Variants in DGKI observed in about 807,000 individuals in gnomAD.
The protein encoded by DGKI is DAG kinase iota.
In DGKI, 55 loss-of-function variants were observed where a neutral mutation model predicts 147.5. The observed-to-expected ratio is 0.37, with a 90% CI of 0.30 to 0.47. The LOEUF is 0.47. Ranked by LOEUF, DGKI falls within the 20% of genes least tolerant of loss-of-function variation. The pLI is 1.00. For missense variants in DGKI, 1,007 were observed against 1,323.8 expected (o/e 0.76, Z 3.71); for synonymous variants, 469 against 477.1 (o/e 0.98, Z 0.22).
intron 21 of DGKI, among the ~76,000 whole-genome samples, chr7:137,493,019 C>A (rs1199749772): frequency 6.6e-6 from 1 of 152,144 alleles, no homozygotes; most frequent in African/African-American, 2.4e-5. Flanking sequence ...TCCAAGGCCA[C>A]CCCCATACCA....
intron 20 of DGKI, among the ~76,000 whole-genome samples, chr7:137,542,949 T>C (rs1029072887): frequency 6.6e-6 from 1 of 152,132 alleles, no homozygotes; most frequent in East Asian, 1.9e-4. Context: ...GTAACTGAAG[T>C]AAACACTCAA....
intron 3 of DGKI, among the ~76,000 whole-genome samples, chr7:137,668,150 G>A (rs1284888019): frequency 1.3e-5 from 2 of 152,150 alleles, no homozygotes; most frequent in Non-Finnish European, 2.9e-5. Context: ...AGACTGATGA[G>A]GATAGATAAG....
rs1816626329 is a variant in DGKI at position 137,512,919 on chromosome 7, A to G, written c.2248+8947T>C. Among the ~76,000 whole-genome samples, 3 of 152,202 alleles carry G rather than the reference A, an allele frequency of 2.0e-5. 1 individual carries two copies. Among genetic ancestry groups the G allele is most frequent in the Admixed American group, 2.0e-4 (3 of 15,266 alleles). On this transcript the variant is annotated intron_variant, in intron 21 of 32. Transcript: ENST00000614521. Reference sequence around the variant, plus strand: ...CAGAGTCCTTTGAAATTAGAAAGACATAGAGTAGGCTCATCTATAAACCAA... The same window carrying G: ...CAGAGTCCTTTGAAATTAGAAAGACGTAGAGTAGGCTCATCTATAAACCAA...
chr7:137,440,934 C>T (rs1813474681), intron 28 of DGKI, among the ~76,000 whole-genome samples: 1 of 152,148 alleles, frequency 6.6e-6, no homozygotes, highest in Non-Finnish European at 1.5e-5. Flanking sequence ...TTTTACTCCT[C>T]CTCACCCTGA....
chr7:137,518,846 T>C (rs1816867269), intron 21 of DGKI, among the ~76,000 whole-genome samples: 1 of 152,096 alleles, frequency 6.6e-6, no homozygotes. Context: ...TTTGCCTAGA[T>C]TATATGATTA....
intron 3 of DGKI, among the ~76,000 whole-genome samples, chr7:137,669,129 T>C (rs1822751486): frequency 3.3e-5 from 5 of 152,156 alleles, no homozygotes; most frequent in African/African-American, 1.2e-4. Context: ...GGTCATCTGA[T>C]TCCAAAGCTC....
Position 137,384,531 on chromosome 7 carries a change from C to T in DGKI, c.*6689G>A, listed in dbSNP as rs974956710. The T allele has an allele frequency of 4.6e-5, 7 of 151,994 alleles. No homozygotes were observed. The highest frequency in any genetic ancestry group is 1.0e-4 in the Non-Finnish European group (7 of 67,954). 9.4% of individuals were successfully genotyped at this position (151,994 alleles called of 1,614,324 possible). A position where few individuals can be genotyped will look rare whatever the true frequency, so the allele number is the denominator to read the frequency against. On this transcript the variant is annotated 3_prime_UTR_variant, in exon 33 of 33. Coordinates refer to ENST00000614521, the MANE Select transcript of DGKI (RefSeq NM_001321708.2). The stretch of plus-strand genomic sequence containing the variant: ...ATATGTAATTTCTAAAGACCCAGTT[C>T]TGGCTGCAGCACTATCATTTGCTAT...
chr7:137,624,687 C>T (rs1326997197), intron 6 of DGKI, among the ~76,000 whole-genome samples: 3 of 152,062 alleles, frequency 2.0e-5, no homozygotes, highest in Non-Finnish European at 4.4e-5. Flanking sequence ...TCACTGCAAG[C>T]TCCGCCTCCC....
rs1188932054 is a variant in DGKI, at chr7:137,382,049, A to G, written c.*9171T>C. ...GAGATCAGGAGCCATTTGGTTGCAT[A>G]TAGAAGGTACAACAAATATCAAGGC... On this transcript the variant is annotated 3_prime_UTR_variant, in exon 33 of 33. Coordinates refer to ENST00000614521, the MANE Select transcript of DGKI (RefSeq NM_001321708.2). 6.6e-6 allele frequency: 1 copy of G among 152,090 alleles called. No homozygotes were observed. The highest frequency in any genetic ancestry group is 1.5e-5 in the Non-Finnish European group (1 of 67,982). The allele number at this position is 152,090 out of a possible 1,614,324, so 9.4% of individuals were successfully genotyped here.
chr7:137,656,038 G>A (rs1299137456), intron 4 of DGKI, among the ~76,000 whole-genome samples: 1 of 152,188 alleles, frequency 6.6e-6, no homozygotes, highest in Admixed American at 6.5e-5. Flanking sequence ...AGCGTGGCTC[G>A]CTCCCTTGCA....
At chr7:137,767,122 C>G (rs1183868518) in intron 1 of DGKI, among the ~76,000 whole-genome samples, 1 of 152,174 alleles carries the variant, frequency 6.6e-6, no homozygotes, top group African/African-American at 2.4e-5. Flanking sequence ...GGGCCACCCA[C>G]GGAAGTTATC....
chr7:137,794,077 C>G (rs1796949284), intron 1 of DGKI, among the ~76,000 whole-genome samples: 2 of 152,174 alleles, frequency 1.3e-5, no homozygotes, highest in South Asian at 4.1e-4. Flanking sequence ...AATCCAGTCA[C>G]TGAGGATACA....
At chr7:137,482,442 T>A (rs747189257) in intron 23 of DGKI, among the ~76,000 whole-genome samples, 4 of 151,896 alleles carry the variant, frequency 2.6e-5, no homozygotes, top group Non-Finnish European at 5.9e-5. Context: ...GGCCTTGTAG[T>A]TTTAAGCACC....
intron 8 of DGKI, among the ~76,000 whole-genome samples, chr7:137,617,695 T>G (rs1364481550): frequency 6.6e-6 from 1 of 152,052 alleles, no homozygotes; most frequent in Non-Finnish European, 1.5e-5. Flanking sequence ...GGGGATGGAA[T>G]GTTCTGTATC....
intron 29 of DGKI, among the ~76,000 whole-genome samples, chr7:137,411,947 AT>A (rs907253674): frequency 6.6e-6 from 1 of 152,204 alleles, no homozygotes; most frequent in Non-Finnish European, 1.5e-5. Context: ...TGCACATTGC[AT>A]CCTGGGGACA....
chr7:137,546,079 CG>C, intron 20 of DGKI: 1 of 583,622 alleles, frequency 1.7e-6, no homozygotes, highest in Non-Finnish European at 3.1e-6. Flanking sequence ...ATTAAATGAG[CG>C]CATCACCGAA....
intron 26 of DGKI, among the ~76,000 whole-genome samples, chr7:137,464,987 C>T (rs1170050587): frequency 1.3e-5 from 2 of 152,164 alleles, no homozygotes; most frequent in Non-Finnish European, 2.9e-5. Context: ...TCCCCAAGTG[C>T]TTACACTAGG....
Position 137,413,099 on chromosome 7 carries a change from G to A in DGKI, c.2762-892C>T, listed in dbSNP as rs547639085. On this transcript the variant is annotated intron_variant, in intron 28 of 32. Transcript: ENST00000614521. ...AGCTTGGCCAACATGGTGAGACCCC[G>A]TCTCTACCAAAAATACAGAAATTAG... is the stretch of plus-strand genomic sequence containing the variant. Among the ~76,000 whole-genome samples, 18 of 151,834 alleles carry A rather than the reference G, an allele frequency of 1.2e-4. No homozygotes were observed. The South Asian group carries it at 1.9e-3, about 16-fold the overall frequency.
intron 21 of DGKI, among the ~76,000 whole-genome samples, chr7:137,518,878 T>G (rs2128951254): frequency 6.6e-6 from 1 of 152,210 alleles, no homozygotes; most frequent in South Asian, 2.1e-4. Context: ...AAGGACCCAC[T>G]TGTATACTTC....
Sources: gnomAD v4.1 joint callset for allele counts (sites outside exome capture counted in the v4.1 genomes callset) on GRCh38, gnomAD v4.1.1 for gene constraint, MANE v1.5 for transcripts, NCBI Gene and HGNC (gene_info 2026-07-23, HGNC 2026-07-21) for gene names.